CLVS1: variants seen among roughly 807,000 people sequenced by gnomAD.
CLVS1 encodes the protein clavesin-1.
CLVS1 carries 10 observed loss-of-function variants against 33.1 expected under a neutral mutation model. The observed-to-expected ratio is 0.30, with a 90% confidence interval of 0.19 to 0.51. The LOEUF (loss-of-function observed/expected upper bound fraction) is 0.51, where lower values mean the gene tolerates loss of function less well. CLVS1 is among the 20% of genes least tolerant of loss of function. The pLI, the probability that CLVS1 is intolerant of heterozygous loss-of-function variation, is 0.97. For missense variants in CLVS1, 343 were observed against 433.4 expected, an observed-to-expected ratio of 0.79 and a Z score of 1.85; for synonymous variants, 163 against 166.1, an observed-to-expected ratio of 0.98 and a Z score of 0.14.
chr8:61,077,499 G>T (rs1004866332), intron 1 of CLVS1, among the ~76,000 whole-genome samples: 31 of 146,272 alleles, frequency 2.1e-4, no homozygotes, highest in African/African-American at 7.3e-4. Flanking sequence ...TTATTGAGAC[G>T]GAGTCTCACT....
intron 5 of CLVS1, among the ~76,000 whole-genome samples, chr8:61,483,864 T>C (rs1803764064): frequency 6.6e-6 from 1 of 152,148 alleles, no homozygotes; most frequent in African/African-American, 2.4e-5. Flanking sequence ...ATTATCTCAA[T>C]AGATGCAGAA....
chr8:61,029,364 C>A, the CLVS1 span, among the ~76,000 whole-genome samples: 1 of 152,150 alleles, frequency 6.6e-6, no homozygotes, highest in African/African-American at 2.4e-5. Flanking sequence ...ACTGGGTCAA[C>A]TGTGGGAGAA....
chr8:61,105,763 A>ATT (rs11432556), intron 1 of CLVS1, among the ~76,000 whole-genome samples: 30 of 148,206 alleles, frequency 2.0e-4, no homozygotes, highest in Admixed American at 1.2e-3. Context: ...GTCTCTGAAC[A>ATT]TTTTTTTTTT....
At chr8:61,230,575 T>C (rs1019570729) in intron 2 of CLVS1, among the ~76,000 whole-genome samples, 2 of 152,242 alleles carry the variant, frequency 1.3e-5, no homozygotes, top group East Asian at 1.9e-4. Flanking sequence ...ATTGATCTTA[T>C]GTGTAAGGCA....
At chr8:61,388,834 T>G (rs1814187138) in intron 3 of CLVS1, among the ~76,000 whole-genome samples, 1 of 152,154 alleles carries the variant, frequency 6.6e-6, no homozygotes, top group Non-Finnish European at 1.5e-5. Context: ...GCTATAGTGA[T>G]CTTAACAGTG....
At chr8:61,112,129 A>C (rs1369102873) in intron 1 of CLVS1, among the ~76,000 whole-genome samples, 1 of 151,896 alleles carries the variant, frequency 6.6e-6, no homozygotes, top group Admixed American at 6.6e-5. Context: ...CATGATCTGC[A>C]TTCCCACCAC....
chr8:61,177,210 G>A (rs181544570), intron 2 of CLVS1, among the ~76,000 whole-genome samples: 8 of 152,328 alleles, frequency 5.3e-5, no homozygotes, highest in Admixed American at 3.9e-4. Context: ...CACACCGGCT[G>A]TGGCAGACTG....
chr8:61,362,256 G>C lies in CLVS1; in HGVS notation c.456-14349G>C, dbSNP rs189379200. ...TGGCCAAGACCTGAAAGATGAGAAA[G>C]AGTCAGCCCAAAGTGGAGAAGGGAA... On this transcript the variant is annotated intron_variant, in intron 2 of 5. Transcript: ENST00000325897. Among the ~76,000 whole-genome samples, 6 of 152,322 alleles carry C rather than the reference G, an allele frequency of 3.9e-5. No homozygotes were observed. The East Asian group carries it at 1.2e-3, about 29-fold the overall frequency.
At chr8:61,145,497 G>C (rs1806398574) in intron 2 of CLVS1, among the ~76,000 whole-genome samples, 2 of 152,244 alleles carry the variant, frequency 1.3e-5, no homozygotes, top group African/African-American at 4.8e-5. Flanking sequence ...GGTTTAAGCT[G>C]ATAGCTTTGA....
the CLVS1 span, among the ~76,000 whole-genome samples, chr8:61,004,813 C>G: frequency 6.6e-6 from 1 of 152,192 alleles, no homozygotes; most frequent in Admixed American, 6.6e-5. Flanking sequence ...ATTCAAGTAC[C>G]AAATAAAGCT....
chr8:61,315,653 G>A (rs147197377), intron 2 of CLVS1, among the ~76,000 whole-genome samples: 4 of 152,272 alleles, frequency 2.6e-5, no homozygotes, highest in East Asian at 3.9e-4. Context: ...AACATGGGTC[G>A]TACTTTCTTC....
At chr8:61,054,163 A>G (rs1485844307), upstream of CLVS1, among the ~76,000 whole-genome samples, 1 of 152,202 alleles carries the variant, frequency 6.6e-6, no homozygotes, top group African/African-American at 2.4e-5. Flanking sequence ...CCCTGGATTC[A>G]GGACTATTTT....
chr8:61,472,660 T>A (rs969696310), intron 5 of CLVS1, among the ~76,000 whole-genome samples: 3 of 152,182 alleles, frequency 2.0e-5, no homozygotes, highest in African/African-American at 4.8e-5. Flanking sequence ...AAATAATTTT[T>A]AAAAATTTTA....
At chr8:61,249,681 G>A (rs1808892292) in intron 2 of CLVS1, among the ~76,000 whole-genome samples, 1 of 152,150 alleles carries the variant, frequency 6.6e-6, no homozygotes, top group African/African-American at 2.4e-5. Context: ...GTGATGGTGA[G>A]CATTTTTTCA....
intron 2 of CLVS1, among the ~76,000 whole-genome samples, chr8:61,304,285 C>G (rs1023157625): frequency 1.3e-5 from 2 of 152,250 alleles, no homozygotes; most frequent in South Asian, 2.1e-4. Flanking sequence ...ATGGGAAACA[C>G]TATCCCGTGA....
intron 2 of CLVS1, among the ~76,000 whole-genome samples, chr8:61,322,601 A>G (rs1184562577): frequency 1.3e-5 from 2 of 152,140 alleles, no homozygotes; most frequent in African/African-American, 4.8e-5. Context: ...ACTTTCTCTT[A>G]TTAAGTAATA....
intron 2 of CLVS1, among the ~76,000 whole-genome samples, chr8:61,355,799 A>G (rs1812676191): frequency 6.6e-6 from 1 of 152,102 alleles, no homozygotes; most frequent in African/African-American, 2.4e-5. Flanking sequence ...ACATTTTCTT[A>G]ATCCAGTCTA....
the CLVS1 span, among the ~76,000 whole-genome samples, chr8:61,011,439 T>C: frequency 6.6e-6 from 1 of 152,032 alleles, no homozygotes; most frequent in African/African-American, 2.4e-5. Flanking sequence ...ATGCATCATG[T>C]CTTTATTTAT....
chr8:61,271,586 CGTT>C (rs1485447449), intron 2 of CLVS1, among the ~76,000 whole-genome samples: 4 of 132,424 alleles, frequency 3.0e-5, no homozygotes, highest in Non-Finnish European at 4.6e-5. Flanking sequence ...CTTTCTGTCT[CGTT>C]GATGTGTCTA....
Sources: gnomAD v4.1 joint callset for allele counts (sites outside exome capture counted in the v4.1 genomes callset) on GRCh38, gnomAD v4.1.1 for gene constraint, MANE v1.5 for transcripts, NCBI Gene and HGNC (gene_info 2026-07-23, HGNC 2026-07-21) for gene names.